MAP3K9: variants seen among roughly 807,000 people sequenced by gnomAD.
MAP3K9 encodes mitogen-activated protein kinase kinase kinase 9.
A neutral mutation model predicts 95.8 loss-of-function variants in MAP3K9; 46 were observed. The ratio of observed to expected loss-of-function variants is 0.48; its 90% CI spans 0.38 to 0.61. The LOEUF is 0.61. Ranked by LOEUF, MAP3K9 falls within the 20% of genes least tolerant of loss-of-function variation. MAP3K9 has a pLI of 0.00. For missense variants in MAP3K9, 1,296 were observed against 1,474.3 expected (o/e 0.88, Z 1.98); for synonymous variants, 533 against 593.8 (o/e 0.90, Z 1.49).
rs1442310498 is a variant in MAP3K9, at chr14:70,740,184, C to T, written c.1568-20G>A. ...GGAAATCTGCTTGGGGAAAGACAAA[C>T]ACGTGTATGCATTAACATTTCCCAT... On this transcript the variant is annotated intron_variant, in intron 6 of 11. Coordinates refer to ENST00000554752, the MANE Select transcript of MAP3K9 (RefSeq NM_001284230.2). The T allele has an allele frequency of 6.2e-7, 1 of 1,605,286 alleles. No homozygotes were observed. The highest frequency in any genetic ancestry group is 8.5e-7 in the Non-Finnish European group (1 of 1,173,312).
chr14:70,729,624 CGA>C lies in MAP3K9; in HGVS notation c.*754_*755del, dbSNP rs1055233259. 2 of 152,174 alleles carry C rather than the reference CGA, an allele frequency of 1.3e-5. No individual in the cohort carries two copies. The highest frequency in any genetic ancestry group is 4.8e-5 in the African/African-American group (2 of 41,430). 9.4% of individuals were successfully genotyped at this position (152,174 alleles called of 1,614,324 possible). On this transcript the variant is annotated 3_prime_UTR_variant, in exon 12 of 12. Coordinates refer to ENST00000554752, the MANE Select transcript of MAP3K9 (RefSeq NM_001284230.2). Reference sequence around the variant, plus strand: ...CAATACTTGCTGGTTTGCCCTTTGCCGAGAGTTTCCAAAAAGAACAAGGACAT... The same window carrying C: ...CAATACTTGCTGGTTTGCCCTTTGCCGAGTTTCCAAAAAGAACAAGGACAT...
At position 70,808,983 on chromosome 14, in the gene MAP3K9, G is replaced by A. The variant is rs1392089488; in HGVS notation, c.189C>T (p.Tyr63=). The change falls in exon 1 of 12, where the codon TAC becomes TAT. Residue 63 remains tyrosine, a synonymous_variant. Coordinates refer to ENST00000554752, the MANE Select transcript of MAP3K9 (RefSeq NM_001284230.2). ...PLPYWTAVFE[Y]EAAGEDELTL... is the part of the protein sequence containing the mutation. Reference sequence around the variant, plus strand: ...TCAGCTCGTCCTCGCCCGCCGCCTCGTACTCGAACACGGCCGTCCAGTAGG... The same window carrying A: ...TCAGCTCGTCCTCGCCCGCCGCCTCATACTCGAACACGGCCGTCCAGTAGG... 2 of 1,563,194 alleles carry A rather than the reference G, an allele frequency of 1.3e-6. No individual in the cohort carries two copies. Among genetic ancestry groups the A allele is most frequent in the Admixed American group, 1.8e-5 (1 of 55,002 alleles).
chr14:70,774,911 G>A (rs2054575848), intron 2 of MAP3K9, among the ~76,000 whole-genome samples: 1 of 137,072 alleles, frequency 7.3e-6, no homozygotes, highest in Non-Finnish European at 1.5e-5. Context: ...TTGAATCTGG[G>A]AGGGAGAGGT....
intron 3 of MAP3K9, among the ~76,000 whole-genome samples, chr14:70,759,869 C>T (rs1019043457): frequency 5.3e-5 from 8 of 152,198 alleles, no homozygotes; most frequent in African/African-American, 1.9e-4. Flanking sequence ...ATCCTCCCAT[C>T]TCAGCCTCCC....
At chr14:70,733,812 G>A in intron 10 of MAP3K9, 2 of 718,180 alleles carry the variant, frequency 2.8e-6, no homozygotes, top group East Asian at 2.7e-5. Flanking sequence ...GAACAAAGCA[G>A]GCAGAAAAAG....
In MAP3K9 at chr14:70,723,839, AG is replaced by A. The variant is rs1473861078; in HGVS notation, c.*6540del. On this transcript the variant is annotated 3_prime_UTR_variant, in exon 12 of 12. Coordinates refer to ENST00000554752, the MANE Select transcript of MAP3K9 (RefSeq NM_001284230.2). The stretch of plus-strand genomic sequence containing the variant: ...TATTATTCGTCTTTATAACTAGGCC[AG>A]GATACATCTTTGCCTCACTCTGATG... 1.3e-5 allele frequency: 2 copies of A among 152,262 alleles called. No individual in the cohort carries two copies. Among genetic ancestry groups the A allele is most frequent in the Non-Finnish European group, 2.9e-5 (2 of 68,050 alleles). The allele number at this position is 152,262 out of a possible 1,614,324, so 9.4% of individuals were successfully genotyped here. A position where few individuals can be genotyped will look rare whatever the true frequency, so the allele number is the denominator to read the frequency against.
chr14:70,781,475 G>A (rs2054674982), intron 2 of MAP3K9, among the ~76,000 whole-genome samples: 1 of 152,208 alleles, frequency 6.6e-6, no homozygotes, highest in Admixed American at 6.5e-5. Context: ...CCAAATTCCT[G>A]ACCCAAGTCT....
At chr14:70,784,783 C>T (rs993413234) in intron 2 of MAP3K9, among the ~76,000 whole-genome samples, 6 of 152,056 alleles carry the variant, frequency 3.9e-5, no homozygotes, top group Non-Finnish European at 5.9e-5. Context: ...TTTGGAGGGG[C>T]CCTGGGGAAA....
At chr14:70,753,104 A>G (rs1409977643) in intron 3 of MAP3K9, 1 of 152,254 alleles carries the variant, frequency 6.6e-6, no homozygotes, top group Non-Finnish European at 1.5e-5. Context: ...TGCCTTTAGG[A>G]AGCAAGTTCA....
intron 1 of MAP3K9, among the ~76,000 whole-genome samples, chr14:70,807,825 GA>G (rs1472046181): frequency 6.6e-6 from 1 of 150,526 alleles, no homozygotes; most frequent in Non-Finnish European, 1.5e-5. Flanking sequence ...TAACTCCCTT[GA>G]AAAAAAAAGA....
intron 2 of MAP3K9, among the ~76,000 whole-genome samples, chr14:70,783,942 C>A (rs1269961583): frequency 6.6e-6 from 1 of 152,198 alleles, no homozygotes; most frequent in Non-Finnish European, 1.5e-5. Flanking sequence ...CATAAACAAT[C>A]ATCTGTGAAT....
intron 3 of MAP3K9, among the ~76,000 whole-genome samples, chr14:70,757,997 A>T (rs1446392115): frequency 6.6e-6 from 1 of 152,200 alleles, no homozygotes; most frequent in African/African-American, 2.4e-5. Flanking sequence ...GGACTAGGCA[A>T]TGTTTTTTAG....
chr14:70,796,818 G>A (rs2054869695), intron 2 of MAP3K9, among the ~76,000 whole-genome samples: 1 of 152,180 alleles, frequency 6.6e-6, no homozygotes, highest in South Asian at 2.1e-4. Context: ...TGGGATGAGG[G>A]AGTGAAAAAT....
At chr14:70,741,539 T>C (rs947912682) in intron 6 of MAP3K9, among the ~76,000 whole-genome samples, 13 of 152,362 alleles carry the variant, frequency 8.5e-5, no homozygotes, top group African/African-American at 3.1e-4. Flanking sequence ...AATAGTTTCA[T>C]ATTTCTTTAT....
chr14:70,764,983 T>C (rs1335890474), intron 2 of MAP3K9, among the ~76,000 whole-genome samples: 2 of 152,220 alleles, frequency 1.3e-5, no homozygotes, highest in African/African-American at 2.4e-5. Flanking sequence ...ACAGTTTTTG[T>C]TTATAAAGTT....
At chr14:70,754,890 C>T (rs907024198) in intron 3 of MAP3K9, among the ~76,000 whole-genome samples, 4 of 152,182 alleles carry the variant, frequency 2.6e-5, no homozygotes, top group African/African-American at 7.2e-5. Context: ...GCTCTACCCA[C>T]ACAGCGCAAA....
intron 2 of MAP3K9, among the ~76,000 whole-genome samples, chr14:70,777,374 G>T (rs532428821): frequency 6.6e-6 from 1 of 152,182 alleles, no homozygotes; most frequent in Non-Finnish European, 1.5e-5. Flanking sequence ...GAAAGGCAAA[G>T]AATAAGTGTC....
chr14:70,806,695 T>C (rs1344338969), intron 1 of MAP3K9, among the ~76,000 whole-genome samples: 1 of 152,244 alleles, frequency 6.6e-6, no homozygotes, highest in Non-Finnish European at 1.5e-5. Context: ...TAAGTCATAC[T>C]GACTCTTGAC....
chr14:70,770,528 G>A (rs1252579299), intron 2 of MAP3K9, among the ~76,000 whole-genome samples: 1 of 152,014 alleles, frequency 6.6e-6, no homozygotes, highest in African/African-American at 2.4e-5. Context: ...CTTTAGCATC[G>A]AGGGTTGGGC....
Sources: gnomAD v4.1 joint callset for allele counts (sites outside exome capture counted in the v4.1 genomes callset) on GRCh38, gnomAD v4.1.1 for gene constraint, MANE v1.5 for transcripts, NCBI Gene and HGNC (gene_info 2026-07-23, HGNC 2026-07-21) for gene names.